The following NSD1 variants were observed in gnomAD, a reference collection of about 807,000 sequenced individuals.
The protein encoded by NSD1 is nuclear receptor binding SET domain protein 1.
Under a neutral mutation model 242.7 loss-of-function variants are expected in NSD1, and 26 were observed. The ratio of observed to expected loss-of-function variants is 0.11; its 90% CI spans 0.08 to 0.15. The LOEUF (loss-of-function observed/expected upper bound fraction) is 0.15, where lower values mean the gene tolerates loss of function less well. Ranked by LOEUF, NSD1 falls within the 10% of genes least tolerant of loss-of-function variation. NSD1 has a pLI of 1.00. For synonymous variants in NSD1, 1,106 were observed against 1,178.1 expected (o/e 0.94, Z 1.25); for missense variants, 2,495 against 3,272.8 (o/e 0.76, Z 5.80).
At chr5:177,254,913 A>G (rs1463470498) in intron 12 of NSD1, among the ~76,000 whole-genome samples, 1 of 152,046 alleles carries the variant, frequency 6.6e-6, no homozygotes, top group African/African-American at 2.4e-5. Context: ...TGAGAGTAGG[A>G]CATTTTACCA....
chr5:177,183,455 A>T (rs1935912988), intron 2 of NSD1, among the ~76,000 whole-genome samples: 1 of 152,162 alleles, frequency 6.6e-6, no homozygotes, highest in South Asian at 2.1e-4. Context: ...GAGTAGAGTT[A>T]CTGCATCATA....
At chr5:177,158,725 G>A (rs985583364) in intron 2 of NSD1, among the ~76,000 whole-genome samples, 8 of 150,276 alleles carry the variant, frequency 5.3e-5, no homozygotes, top group Non-Finnish European at 1.2e-4. Context: ...GGGCGACTGA[G>A]GTGGTAGCAT....
intron 13 of NSD1, among the ~76,000 whole-genome samples, chr5:177,259,085 T>G (rs942329643): frequency 1.3e-5 from 2 of 152,238 alleles, no homozygotes; most frequent in Non-Finnish European, 1.5e-5. Flanking sequence ...TCTGCCTGCC[T>G]TGGCCTCCCA....
chr5:177,293,512 A>G (rs114983580), intron 22 of NSD1, among the ~76,000 whole-genome samples: 7,000 of 150,804 alleles, frequency 0.046, 184 homozygotes, highest in South Asian at 0.077. Context: ...TGTAAAAGAA[A>G]CTTTTTGTTG....
chr5:177,139,942 A>C (rs76695216), intron 2 of NSD1, among the ~76,000 whole-genome samples: 9 of 105,798 alleles, frequency 8.5e-5, no homozygotes, highest in Admixed American at 7.7e-4. Context: ...AGATCCTGTC[A>C]AAAAAAAAAA....
chr5:177,142,942 C>G (rs1756945301), intron 2 of NSD1, among the ~76,000 whole-genome samples: 1 of 152,198 alleles, frequency 6.6e-6, no homozygotes, highest in African/African-American at 2.4e-5. Context: ...CCAAACTGAA[C>G]TCTTAATGGT....
At chr5:177,158,237 ATTTCTTTCTTTCTTTCTTTCTTTC>A (rs1166834243) in intron 2 of NSD1, among the ~76,000 whole-genome samples, 361 of 109,098 alleles carry the variant, frequency 3.3e-3, no homozygotes, top group Middle Eastern at 4.2e-3. Flanking sequence ...ATGGGTTCTA[ATTTCTTTCTTTCTTTCTTTCTTTC>A]TTTCTTTCTT....
intron 14 of NSD1, among the ~76,000 whole-genome samples, chr5:177,264,009 CA>C (rs1430636929): frequency 3.0e-5 from 4 of 134,740 alleles, no homozygotes; most frequent in African/African-American, 1.1e-4. Context: ...TTAGAAGATG[CA>C]TATGACTCAA....
At chr5:177,283,981 T>C (rs1759100057) in intron 20 of NSD1, 53 bp downstream of exon 20, 1 of 1,603,010 alleles carries the variant, frequency 6.2e-7, no homozygotes, top group Non-Finnish European at 8.5e-7. Context: ...AGGGCTTTTG[T>C]TTTTTACAAA....
intron 13 of NSD1, among the ~76,000 whole-genome samples, chr5:177,257,416 A>G (rs1756575363): frequency 6.6e-6 from 1 of 151,928 alleles, no homozygotes; most frequent in South Asian, 2.1e-4. Context: ...TATTTTTAGT[A>G]GAGACGGGGT....
intron 20 of NSD1, among the ~76,000 whole-genome samples, chr5:177,284,666 C>G (rs1390705963): frequency 6.6e-6 from 1 of 152,198 alleles, no homozygotes; most frequent in African/African-American, 2.4e-5. Context: ...TATGAACTTA[C>G]CACTAATAGG....
At chr5:177,137,810 G>A (rs1020477820) in intron 2 of NSD1, among the ~76,000 whole-genome samples, 2 of 152,054 alleles carry the variant, frequency 1.3e-5, no homozygotes, top group African/African-American at 4.8e-5. Context: ...AAGGCTGAGT[G>A]TGGTGGCTCA....
At chr5:177,282,424 T>G (rs1581531980) in intron 18 of NSD1, 41 bp from the exon 19 acceptor site, 1 of 1,238,610 alleles carries the variant, frequency 8.1e-7, no homozygotes, top group Non-Finnish European at 1.2e-6. Flanking sequence ...GATACCAGTG[T>G]CCTTTTTTGC....
intron 4 of NSD1, among the ~76,000 whole-genome samples, chr5:177,207,593 A>ATAT (rs1762985045): frequency 1.3e-5 from 1 of 78,218 alleles, no homozygotes; most frequent in South Asian, 4.4e-4. Context: ...ATTTATTTAA[A>ATAT]TTTTTTTTTT....
intron 2 of NSD1, among the ~76,000 whole-genome samples, chr5:177,191,311 TAGA>T (rs1298031174): frequency 6.9e-6 from 1 of 144,532 alleles, no homozygotes; most frequent in African/African-American, 2.6e-5. Flanking sequence ...TGTGAGTATT[TAGA>T]AGAATTCTTT....
At chr5:177,198,105 G>A (rs1762241095) in intron 3 of NSD1, among the ~76,000 whole-genome samples, 1 of 152,042 alleles carries the variant, frequency 6.6e-6, no homozygotes, top group African/African-American at 2.4e-5. Flanking sequence ...CATCTCCCAG[G>A]CTCCAGTGCT....
At chr5:177,136,800 T>C in intron 2 of NSD1, 1 of 594,754 alleles carries the variant, frequency 1.7e-6, no homozygotes, top group South Asian at 2.0e-5. Context: ...TTTCTAGTTT[T>C]GTTTTGTTTT....
chr5:177,265,949 T>A (rs1483380403), intron 14 of NSD1: 16 of 1,252,610 alleles, frequency 1.3e-5, no homozygotes, highest in Non-Finnish European at 1.8e-5. Context: ...GAGGCAGGCG[T>A]TGGTAACCAG....
In NSD1 at chr5:177,238,071, T is replaced by G. The variant is rs1004264113; in HGVS notation, c.3922-166T>G. Among the ~76,000 whole-genome samples, 1 of 151,594 alleles carries G rather than the reference T, an allele frequency of 6.6e-6. No individual in the cohort carries two copies. The highest frequency in any genetic ancestry group is 1.5e-5 in the Non-Finnish European group (1 of 67,808). ...ACTTGAAATCATACGATATTTGTTC[T>G]TTGTGTCTTAAGTAATTTCCCTTAG... On this transcript the variant is annotated intron_variant, in intron 6 of 22. Transcript: ENST00000439151. The surrounding 1 kb of genome is among the most constrained non-coding windows in gnomAD (Gnocchi z 4.6).
Sources: allele counts gnomAD v4.1 joint callset (sites outside exome capture counted in the v4.1 genomes callset), GRCh38; gene constraint gnomAD v4.1.1; non-coding constraint Gnocchi (gnomAD v3.1); transcripts MANE v1.5; gene names NCBI Gene and HGNC (gene_info 2026-07-23, HGNC 2026-07-21).